Variants in AZIN1 observed in about 807,000 individuals in gnomAD.
The protein encoded by AZIN1 is ornithine decarboxylase antizyme inhibitor.
AZIN1 carries 12 observed loss-of-function variants against 47.4 expected under a neutral mutation model. The observed-to-expected ratio is 0.25, with a 90% CI of 0.16 to 0.41. The LOEUF (loss-of-function observed/expected upper bound fraction) is 0.41. Ranked by LOEUF, AZIN1 falls within the 10% of genes least tolerant of loss-of-function variation. AZIN1 has a pLI of 1.00. For missense variants in AZIN1, 410 were observed against 532.4 expected (o/e 0.77, Z 2.26); for synonymous variants, 155 against 176.3 (o/e 0.88, Z 0.96).
chr8:102,855,211 G>A (rs560372253), intron 2 of AZIN1, among the ~76,000 whole-genome samples: 10 of 152,178 alleles, frequency 6.6e-5, no homozygotes, highest in South Asian at 6.2e-4. Flanking sequence ...CACCTGCCAC[G>A]ACGCTCGACT....
At chr8:102,855,527 A>C (rs1193455938) in intron 2 of AZIN1, 1 of 152,238 alleles carries the variant, frequency 6.6e-6, no homozygotes, top group African/African-American at 2.4e-5. Flanking sequence ...GCAACTTCCA[A>C]AATTTCCAGA....
intron 5 of AZIN1, among the ~76,000 whole-genome samples, chr8:102,837,829 T>C (rs1019458114): frequency 6.6e-6 from 1 of 152,256 alleles, no homozygotes; most frequent in African/African-American, 2.4e-5. Flanking sequence ...CATTAAAAAG[T>C]AAGCCAACAA....
At chr8:102,862,956 C>T (rs1813802250) in intron 1 of AZIN1, among the ~76,000 whole-genome samples, 1 of 152,200 alleles carries the variant, frequency 6.6e-6, no homozygotes, top group Non-Finnish European at 1.5e-5. Flanking sequence ...GATAAGCCAC[C>T]CGTCTACCAA....
At chr8:102,844,229 G>A (rs577393806) in intron 2 of AZIN1, among the ~76,000 whole-genome samples, 3 of 152,294 alleles carry the variant, frequency 2.0e-5, no homozygotes, top group East Asian at 3.9e-4. Context: ...AGTCCTGGCC[G>A]GGCATGGTGG....
chr8:102,864,056 C>T lies in AZIN1; in HGVS notation c.-483G>A, dbSNP rs930102346. 4 of 157,992 alleles carry T rather than the reference C, an allele frequency of 2.5e-5. No homozygotes were observed. The East Asian group carries it at 5.8e-4, about 23-fold the overall frequency. The allele number at this position is 157,992 out of a possible 1,614,324, so 9.8% of individuals were successfully genotyped here. On this transcript the variant is annotated 5_prime_UTR_variant, in exon 1 of 12. Transcript: ENST00000337198. The stretch of plus-strand genomic sequence containing the variant: ...GGGCTGGGTGGGAAGAGGATTCGGA[C>T]TCGTCACACTGCAGAGCAGCAGAGC...
chr8:102,852,326 A>G (rs1185349506), intron 2 of AZIN1, among the ~76,000 whole-genome samples: 1 of 152,242 alleles, frequency 6.6e-6, no homozygotes, highest in Non-Finnish European at 1.5e-5. Flanking sequence ...CTGTAATCCC[A>G]GCACTTTGGG....
rs372270449 is a variant in AZIN1 at position 102,843,459 on chromosome 8, A to G, written c.102+92T>C. ...AAATCAGATAGCATATGAACCAAGT[A>G]CTTCTGATCAGATTACCATCTTGGA... On this transcript the variant is annotated intron_variant, in intron 3 of 11. Coordinates refer to ENST00000337198, the MANE Select transcript of AZIN1 (RefSeq NM_148174.4). The G allele has an allele frequency of 7.5e-4, 821 of 1,095,998 alleles. 12 individuals carry two copies. In the South Asian group the frequency reaches 0.011, roughly 15 times the overall value. 67.9% of individuals were successfully genotyped at this position (1,095,998 alleles called of 1,614,324 possible).
intron 2 of AZIN1, among the ~76,000 whole-genome samples, chr8:102,845,668 T>A (rs1050704690): frequency 2.0e-5 from 3 of 152,110 alleles, no homozygotes; most frequent in African/African-American, 7.2e-5. Flanking sequence ...TTTAAAAAGA[T>A]AAATATAAGA....
At position 102,843,236 on chromosome 8, in the gene AZIN1, A is replaced by G. The variant is rs145440258; in HGVS notation, c.102+315T>C. On this transcript the variant is annotated intron_variant, in intron 3 of 11. Transcript: ENST00000337198. ...AAAAAAAAAAAAAGAAAATTGAGAA[A>G]AATGAGTAAGAAGCCATGTACTGAT... 1.6e-3 allele frequency among the ~76,000 whole-genome samples: 247 copies of G among 152,176 alleles called. 1 individual carries two copies. The highest frequency in any genetic ancestry group is 5.7e-3 in the African/African-American group (237 of 41,524).
chr8:102,835,368 G>A (rs1303207244), intron 6 of AZIN1: 3 of 152,190 alleles, frequency 2.0e-5, no homozygotes, highest in Non-Finnish European at 2.9e-5. Context: ...TTTTTATGTT[G>A]ACTTAAATTA....
rs1428060096 is a variant in AZIN1 at position 102,836,478 on chromosome 8, T to G, written c.450-88A>C. On this transcript the variant is annotated intron_variant, in intron 5 of 11. Coordinates refer to ENST00000337198, the MANE Select transcript of AZIN1 (RefSeq NM_148174.4). ...CTGAAGATTGTAGGAAGTGTGTTGA[T>G]TATGTTGCCAGTGCTCCCAAATCCA... 3.5e-6 allele frequency: 5 copies of G among 1,428,644 alleles called. No homozygotes were observed. In the African/African-American group the frequency reaches 7.1e-5, roughly 20 times the overall value. 88.5% of individuals were successfully genotyped at this position (1,428,644 alleles called of 1,614,324 possible). A position where few individuals can be genotyped will look rare whatever the true frequency, so the allele number is the denominator to read the frequency against.
intron 2 of AZIN1, among the ~76,000 whole-genome samples, chr8:102,850,673 A>C (rs1296302870): frequency 2.0e-5 from 3 of 152,214 alleles, no homozygotes; most frequent in Non-Finnish European, 4.4e-5. Context: ...AACAGCCTAC[A>C]TTGAGTACTC....
At chr8:102,837,587 CAT>C (rs1563534796) in intron 5 of AZIN1, among the ~76,000 whole-genome samples, 1 of 152,200 alleles carries the variant, frequency 6.6e-6, no homozygotes, top group African/African-American at 2.4e-5. Context: ...CACAATCTAA[CAT>C]ACTAAACATC....
At chr8:102,828,701 A>G (rs551684194) in intron 11 of AZIN1, 23 bp from the exon 12 acceptor site, 1 of 1,530,286 alleles carries the variant, frequency 6.5e-7, no homozygotes, top group South Asian at 1.1e-5. Context: ...AAAATCAGCT[A>G]AATTCTCAGT....
At chr8:102,836,190 T>G in intron 6 of AZIN1, 66 bp downstream of exon 6, 1 of 1,490,608 alleles carries the variant, frequency 6.7e-7, no homozygotes, top group Admixed American at 2.1e-5. Context: ...CTTAAATCAA[T>G]AACCAGAAAG....
At chr8:102,856,747 G>T (rs575963886) in intron 2 of AZIN1, among the ~76,000 whole-genome samples, 3 of 152,266 alleles carry the variant, frequency 2.0e-5, no homozygotes, top group African/African-American at 7.2e-5. Flanking sequence ...AAAACATCAG[G>T]TATGTTGCAA....
intron 2 of AZIN1, among the ~76,000 whole-genome samples, chr8:102,845,161 C>G (rs1812493894): frequency 6.6e-6 from 1 of 151,966 alleles, no homozygotes; most frequent in Admixed American, 6.6e-5. Flanking sequence ...CCTAATGCCC[C>G]AAACTAGAGT....
In AZIN1 at chr8:102,834,173, C is replaced by A; in HGVS notation, c.741+16G>T. 1 of 1,601,636 alleles carries A rather than the reference C, an allele frequency of 6.2e-7. No homozygotes were observed. On this transcript the variant is annotated intron_variant, in intron 8 of 11. Transcript: ENST00000337198. Reference sequence around the variant, plus strand: ...AAAGCAATTATTCTGTTAATGTCATCTACTGAGAAGTTTACCTCTTCCAAT... The same window carrying A: ...AAAGCAATTATTCTGTTAATGTCATATACTGAGAAGTTTACCTCTTCCAAT...
intron 6 of AZIN1, chr8:102,835,449 A>G (rs1266667625): frequency 6.6e-6 from 1 of 152,230 alleles, no homozygotes; most frequent in African/African-American, 2.4e-5. Context: ...TTCTTTGTTT[A>G]AAAGACTACC....
Sources: gnomAD v4.1 joint callset for allele counts (sites outside exome capture counted in the v4.1 genomes callset) on GRCh38, gnomAD v4.1.1 for gene constraint, MANE v1.5 for transcripts, NCBI Gene and HGNC (gene_info 2026-07-23, HGNC 2026-07-21) for gene names.